ZFR2: variants seen among roughly 807,000 people sequenced by gnomAD.
The protein encoded by ZFR2 is zinc finger RNA-binding protein 2.
ZFR2 carries 104 observed loss-of-function variants against 105.7 expected under a neutral mutation model. That is an observed-to-expected ratio of 0.98 (90% CI 0.84 to 1.16). ZFR2 has a LOEUF of 1.16. Among genes scored for constraint, ZFR2 ranks in the 50% most tolerant of loss-of-function variants. The pLI is 0.00. For synonymous variants in ZFR2, 634 were observed against 597.7 expected, an observed-to-expected ratio of 1.06 and a Z score of -0.89; for missense variants, 1,425 against 1,355.5, an observed-to-expected ratio of 1.05 and a Z score of -0.80.
chr19:3,824,773 C>A (rs779877356), intron 7 of ZFR2, among the ~76,000 whole-genome samples: 5 of 152,024 alleles, frequency 3.3e-5, no homozygotes, highest in Non-Finnish European at 5.9e-5. Context: ...CCTGTCTCTA[C>A]GAAAAATACA....
chr19:3,835,628 C>T lies in ZFR2; in HGVS notation c.54-645G>A, dbSNP rs1312606946. ...GATTACAGGTGTGAGCCACCACGCC[C>T]GGCCAGAAAATTGAACTTTAACAGC... On this transcript the variant is annotated intron_variant, in intron 1 of 18. Coordinates refer to ENST00000262961, the MANE Select transcript of ZFR2 (RefSeq NM_015174.2). Among the ~76,000 whole-genome samples, 3 of 151,034 alleles carry T rather than the reference C, an allele frequency of 2.0e-5. No individual in the cohort carries two copies. The East Asian group carries it at 6.2e-4, about 31-fold the overall frequency.
chr19:3,833,903 G>A lies in ZFR2; in HGVS notation c.265-125C>T, dbSNP rs558795496. On this transcript the variant is annotated intron_variant, in intron 2 of 18. Coordinates refer to ENST00000262961, the MANE Select transcript of ZFR2 (RefSeq NM_015174.2). ...CTTCCTGCAGCGCTGGCTCCTAAGCGTCTGCCCAGGACCAGGCCCTGGCCC... is the reference window on the plus strand; with the variant it reads ...CTTCCTGCAGCGCTGGCTCCTAAGCATCTGCCCAGGACCAGGCCCTGGCCC... 4.8e-4 allele frequency: 361 copies of A among 748,142 alleles called. No homozygotes were observed. The African/African-American group carries it at 5.3e-3, about 11-fold the overall frequency. The allele number at this position is 748,142 out of a possible 1,614,324, so 46.3% of individuals were successfully genotyped here.
In ZFR2 at chr19:3,863,952, G is replaced by C. The variant is rs142724672; in HGVS notation, c.53+5013C>G. On this transcript the variant is annotated intron_variant, in intron 1 of 18. Coordinates refer to ENST00000262961, the MANE Select transcript of ZFR2 (RefSeq NM_015174.2). ...AGGGCTCAGTCAGTATCAGGTGCCC[G>C]GGACTCACCTCACACAGAGAATCAA... Among the ~76,000 whole-genome samples the C allele has an allele frequency of 6.6e-4, 100 of 152,226 alleles. 1 individual carries two copies. In the East Asian group the frequency reaches 0.015, roughly 23 times the overall value.
intron 1 of ZFR2, among the ~76,000 whole-genome samples, chr19:3,850,533 G>T (rs2038227263): frequency 6.6e-6 from 1 of 151,958 alleles, no homozygotes; most frequent in South Asian, 2.1e-4. Flanking sequence ...AGGGAATGAA[G>T]GTTATATGAC....
At chr19:3,820,436 C>A in intron 10 of ZFR2, 146 bp from the exon 11 acceptor site, 2 of 770,066 alleles carry the variant, frequency 2.6e-6, no homozygotes, top group Non-Finnish European at 4.0e-6. Flanking sequence ...GCATGGGTGC[C>A]TGCTGTATGC....
chr19:3,820,240 T>A lies in ZFR2; in HGVS notation c.1682A>T (p.Asp561Val), dbSNP rs969664861. Residue 561 changes from aspartate (D) to valine (V), a missense_variant, in exon 11 of 19, where the codon GAC (aspartate) becomes GTC (valine). Transcript: ENST00000262961. ...PQDVPPHAPP[D>V]WAQPLLMGRP... The stretch of plus-strand genomic sequence containing the variant: ...GCCCATGAGCAGAGGCTGGGCCCAG[T>A]CGGGCGGCGCGTGGGGCGGCACGTC... The A allele has an allele frequency of 9.0e-6, 14 of 1,549,716 alleles. No individual in the cohort carries two copies. The highest frequency in any genetic ancestry group is 1.2e-5 in the Non-Finnish European group (14 of 1,146,942).
chr19:3,807,120 A>G (rs534893894), intron 18 of ZFR2, 52 bp downstream of exon 18: 2 of 1,380,552 alleles, frequency 1.4e-6, no homozygotes, highest in Non-Finnish European at 2.0e-6. Flanking sequence ...GCACAGCTGC[A>G]AGCCGGAGCT....
chr19:3,810,123 GGATGGGGGACGCCACTCCAGCATGA>G (rs1444657112), intron 16 of ZFR2, among the ~76,000 whole-genome samples: 1 of 152,158 alleles, frequency 6.6e-6, no homozygotes, highest in Non-Finnish European at 1.5e-5. Context: ...CTCCAGCACG[GGATGGGGGACGCCACTCCAGCATGA>G]GATGGGGGAC....
At chr19:3,833,343 A>G (rs1025311760) in intron 3 of ZFR2, among the ~76,000 whole-genome samples, 14 of 151,946 alleles carry the variant, frequency 9.2e-5, no homozygotes, top group South Asian at 2.1e-4. Flanking sequence ...TTGGGAGGCC[A>G]AGGCGGGCGG....
chr19:3,824,696 G>A (rs2037930119), intron 7 of ZFR2, among the ~76,000 whole-genome samples: 1 of 152,222 alleles, frequency 6.6e-6, no homozygotes, highest in African/African-American at 2.4e-5. Flanking sequence ...CAGCACTTTG[G>A]AATGCCGAGG....
At chr19:3,828,622 T>C (rs2037979090) in intron 5 of ZFR2, among the ~76,000 whole-genome samples, 1 of 152,206 alleles carries the variant, frequency 6.6e-6, no homozygotes, top group Non-Finnish European at 1.5e-5. Context: ...CCGGTACTAC[T>C]GGGCCCAAAA....
chr19:3,860,415 A>T (rs1410398433), intron 1 of ZFR2, among the ~76,000 whole-genome samples: 3 of 152,154 alleles, frequency 2.0e-5, no homozygotes, highest in Non-Finnish European at 4.4e-5. Context: ...GCTCCAAACC[A>T]GGACCCGCCT....
chr19:3,810,646 G>A (rs1245159734), intron 16 of ZFR2, 104 bp downstream of exon 16: 8 of 1,141,188 alleles, frequency 7.0e-6, no homozygotes, highest in Middle Eastern at 3.0e-4. Context: ...GTCTCCCGCC[G>A]GCTCCTTCGA....
intron 3 of ZFR2, 109 bp from the exon 4 acceptor site, chr19:3,831,987 A>G: frequency 1.1e-6 from 1 of 938,278 alleles, no homozygotes; most frequent in Non-Finnish European, 1.5e-6. Context: ...TGCTTAAGCC[A>G]GGACCAGAGG....
intron 1 of ZFR2, among the ~76,000 whole-genome samples, chr19:3,836,814 C>T (rs1568426879): frequency 6.6e-6 from 1 of 152,154 alleles, no homozygotes; most frequent in East Asian, 1.9e-4. Flanking sequence ...CCCCAATGCC[C>T]CTTGTTCAGC....
In ZFR2 at chr19:3,820,193, C is replaced by T. The variant is rs2301843; in HGVS notation, c.1729G>A (p.Ala577Thr). The change falls in exon 11 of 19, where the codon GCC becomes ACC. Residue 577 changes from alanine (A) to threonine (T), a missense_variant. Physicochemically the swap from Ala to Thr is moderately conservative, Grantham distance 58. Transcript: ENST00000262961. ...LMGRPESPAS[A>T]PLQPGRRPAS... ...GAAACTGTACCTACCTGGAGTGGGG[C>T]GCTGGCGGGTGACTCCGGCCTGCCC... 0.39 allele frequency: 610,517 copies of T among 1,551,416 alleles called. 120,828 individuals are homozygous for T. The highest frequency in any genetic ancestry group is 0.45 in the East Asian group (18,430 of 40,958).
At chr19:3,833,574 T>C in intron 3 of ZFR2, 90 bp downstream of exon 3, 1 of 816,820 alleles carries the variant, frequency 1.2e-6, no homozygotes, top group South Asian at 2.0e-5. Context: ...AGACTCTGTC[T>C]AAAAAAAAAA....
In ZFR2 at chr19:3,823,931, C is replaced by T. The variant is rs374192614; in HGVS notation, c.1214-528G>A. Among the ~76,000 whole-genome samples the T allele has an allele frequency of 2.2e-4, 33 of 152,280 alleles. No homozygotes were observed. The highest frequency in any genetic ancestry group is 1.3e-3 in the East Asian group (7 of 5,186). On this transcript the variant is annotated intron_variant, in intron 7 of 18. Coordinates refer to ENST00000262961, the MANE Select transcript of ZFR2 (RefSeq NM_015174.2). This position sits in a 1 kb window ranked among gnomAD's most constrained non-coding sequence, Gnocchi z 5.4. The stretch of plus-strand genomic sequence containing the variant: ...CAGGGCAGAGACTCTTAGACAGACC[C>T]GGGTTCCAATTCCACCTCCACCGTT...
chr19:3,862,251 A>G (rs2038381970), intron 1 of ZFR2, among the ~76,000 whole-genome samples: 1 of 152,240 alleles, frequency 6.6e-6, no homozygotes, highest in South Asian at 2.1e-4. Context: ...TAGGAGAGAA[A>G]AAAGTCTCCT....
Sources: allele counts gnomAD v4.1 joint callset (sites outside exome capture counted in the v4.1 genomes callset), GRCh38; gene constraint gnomAD v4.1.1; non-coding constraint Gnocchi (gnomAD v3.1); transcripts MANE v1.5; gene names NCBI Gene and HGNC (gene_info 2026-07-23, HGNC 2026-07-21).